STUM: variants seen among roughly 807,000 people sequenced by gnomAD.
STUM encodes the protein protein stum homolog.
STUM carries 8 observed loss-of-function variants against 15.3 expected under a neutral mutation model. The observed-to-expected ratio is 0.52, with a 90% CI of 0.31 to 0.94. The LOEUF is 0.94. STUM is among the 40% of genes least tolerant of loss of function. STUM has a pLI of 0.05. For missense variants in STUM, 142 were observed against 204.9 expected, an observed-to-expected ratio of 0.69 and a Z score of 1.87; for synonymous variants, 78 against 88.7, an observed-to-expected ratio of 0.88 and a Z score of 0.68.
At position 226,565,242 on chromosome 1, in the gene STUM, G is replaced by A. The variant is rs1324063019; in HGVS notation, c.202+16136G>A. Among the ~76,000 whole-genome samples, 1 of 152,168 alleles carries A rather than the reference G, an allele frequency of 6.6e-6. No individual in the cohort carries two copies. The highest frequency in any genetic ancestry group is 2.4e-5 in the African/African-American group (1 of 41,438). On this transcript the variant is annotated intron_variant, in intron 1 of 3. Coordinates refer to ENST00000366788, the MANE Select transcript of STUM (RefSeq NM_001003665.4). The surrounding 1 kb of genome is among the most constrained non-coding windows in gnomAD (Gnocchi z 4.4). Reference sequence around the variant, plus strand: ...CTCTCCCTGCCCCTCAGGCCCAAGGGTGGGAGTGGCCTCCTGCTGTTGCTG... The same window carrying A: ...CTCTCCCTGCCCCTCAGGCCCAAGGATGGGAGTGGCCTCCTGCTGTTGCTG...
intron 1 of STUM, among the ~76,000 whole-genome samples, chr1:226,571,927 C>T (rs935802449): frequency 2.0e-5 from 3 of 152,178 alleles, no homozygotes; most frequent in Non-Finnish European, 4.4e-5. Context: ...AGGCGTGAGC[C>T]ACCACACCCG....
At chr1:226,574,892 C>T (rs550469195) in intron 1 of STUM, among the ~76,000 whole-genome samples, 2 of 152,276 alleles carry the variant, frequency 1.3e-5, no homozygotes, top group South Asian at 4.2e-4. Context: ...GTCTCACAAC[C>T]CCTCAGAGGA....
At chr1:226,558,336 C>T (rs2102687064) in intron 1 of STUM, among the ~76,000 whole-genome samples, 1 of 152,296 alleles carries the variant, frequency 6.6e-6, no homozygotes, top group East Asian at 1.9e-4. Flanking sequence ...CCCCTTTGTT[C>T]CCAGGATCAT....
chr1:226,572,160 T>C (rs17520554), intron 1 of STUM, among the ~76,000 whole-genome samples: 7,302 of 152,230 alleles, frequency 0.048, 193 homozygotes, highest in African/African-American at 0.066. Context: ...GCCACCCTTG[T>C]CATCAAAGAA....
At chr1:226,578,574 G>T (rs1667862016) in intron 1 of STUM, among the ~76,000 whole-genome samples, 1 of 152,026 alleles carries the variant, frequency 6.6e-6, no homozygotes, top group Admixed American at 6.6e-5. Context: ...TGTTGCCCAG[G>T]CTGGTCTTGA....
intron 1 of STUM, among the ~76,000 whole-genome samples, chr1:226,560,696 C>T (rs986316239): frequency 5.3e-5 from 8 of 152,208 alleles, no homozygotes; most frequent in East Asian, 3.9e-4. Context: ...CAGAAGGGAG[C>T]GCCGACAGCA....
At chr1:226,579,679 T>C (rs946151986) in intron 1 of STUM, among the ~76,000 whole-genome samples, 10 of 150,394 alleles carry the variant, frequency 6.6e-5, no homozygotes, top group African/African-American at 2.5e-4. Flanking sequence ...CCCAGGCTGG[T>C]GTGCAGTGGT....
chr1:226,554,818 C>A (rs1473631770), intron 1 of STUM, among the ~76,000 whole-genome samples: 1 of 152,202 alleles, frequency 6.6e-6, no homozygotes, highest in Non-Finnish European at 1.5e-5. Flanking sequence ...TTCTTTGCTC[C>A]CTTTCACCGC....
In STUM at chr1:226,602,150, G is replaced by A; in HGVS notation, c.*110G>A. 1 of 738,038 alleles carries A rather than the reference G, an allele frequency of 1.4e-6. No homozygotes were observed. The highest frequency in any genetic ancestry group is 2.3e-6 in the Non-Finnish European group (1 of 441,712). 45.7% of individuals were successfully genotyped at this position (738,038 alleles called of 1,614,324 possible). On this transcript the variant is annotated 3_prime_UTR_variant, in exon 4 of 4. Transcript: ENST00000366788. ...CTTTTCTGCCATTTTCTGGACTGGGGGTGGAAAGGGGGTATTTTTAAAAAT... is the reference window on the plus strand; with the variant it reads ...CTTTTCTGCCATTTTCTGGACTGGGAGTGGAAAGGGGGTATTTTTAAAAAT...
chr1:226,598,768 T>TG (rs1668221366), intron 2 of STUM, among the ~76,000 whole-genome samples: 1 of 152,216 alleles, frequency 6.6e-6, no homozygotes, highest in Non-Finnish European at 1.5e-5. Flanking sequence ...CAGCCTTCAC[T>TG]GGGGGTCAGC....
rs1667385652 is a variant in STUM, at chr1:226,552,309, A to C, written c.202+3203A>C. On this transcript the variant is annotated intron_variant, in intron 1 of 3. Transcript: ENST00000366788. The surrounding 1 kb of genome is among the most constrained non-coding windows in gnomAD (Gnocchi z 4.7). ...CTCCTCACTGAAACAATGAAAAACA[A>C]TTTTTACAAGTGGACATTAGTAAAG... Among the ~76,000 whole-genome samples, 1 of 152,134 alleles carries C rather than the reference A, an allele frequency of 6.6e-6. No homozygotes were observed. Among genetic ancestry groups the C allele is most frequent in the South Asian group, 2.1e-4 (1 of 4,820 alleles).
At chr1:226,576,692 C>A (rs1667820588) in intron 1 of STUM, among the ~76,000 whole-genome samples, 1 of 152,166 alleles carries the variant, frequency 6.6e-6, no homozygotes, top group Non-Finnish European at 1.5e-5. Flanking sequence ...TTTTCATCTT[C>A]CCAAACGGAA....
At chr1:226,601,378 G>T (rs1019847699) in intron 3 of STUM, among the ~76,000 whole-genome samples, 2 of 152,134 alleles carry the variant, frequency 1.3e-5, no homozygotes, top group African/African-American at 4.8e-5. Context: ...GCCCGCCTCG[G>T]CCTCCCAAAG....
intron 1 of STUM, among the ~76,000 whole-genome samples, chr1:226,574,914 C>T (rs1667782380): frequency 6.6e-6 from 1 of 152,202 alleles, no homozygotes; most frequent in South Asian, 2.1e-4. Context: ...AGGCCCACCC[C>T]AACTCATGGG....
chr1:226,561,400 C>T (rs1240060601), intron 1 of STUM, among the ~76,000 whole-genome samples: 1 of 152,090 alleles, frequency 6.6e-6, no homozygotes, highest in African/African-American at 2.4e-5. Flanking sequence ...CACTTCTTGG[C>T]CTTCCTAGCT....
chr1:226,563,857 G>T (rs757962565), intron 1 of STUM, among the ~76,000 whole-genome samples: 15 of 152,220 alleles, frequency 9.9e-5, no homozygotes, highest in East Asian at 1.9e-4. Context: ...TCCAGGAATT[G>T]CCCTGTGGCC....
At position 226,561,319 on chromosome 1, in the gene STUM, GTGGAA is replaced by G. The variant is rs1667538999; in HGVS notation, c.202+12215_202+12219del. Among the ~76,000 whole-genome samples the G allele has an allele frequency of 2.6e-5, 4 of 152,310 alleles. No homozygotes were observed. In the South Asian group the frequency reaches 8.3e-4, roughly 32 times the overall value. On this transcript the variant is annotated intron_variant, in intron 1 of 3. Coordinates refer to ENST00000366788, the MANE Select transcript of STUM (RefSeq NM_001003665.4). Reference sequence around the variant, plus strand: ...TGCATATTAACTACTGGTAGGAAAGGTGGAATCAAGAGCAGGTCCTTGTTCTTTTA... The same window carrying G: ...TGCATATTAACTACTGGTAGGAAAGGTCAAGAGCAGGTCCTTGTTCTTTTA...
chr1:226,561,576 A>T (rs1223479208), intron 1 of STUM, among the ~76,000 whole-genome samples: 2 of 152,172 alleles, frequency 1.3e-5, no homozygotes, highest in Non-Finnish European at 2.9e-5. Flanking sequence ...TGGAGCAGTT[A>T]TGATGTTACT....
chr1:226,553,377 A>C (rs1181558055), intron 1 of STUM, among the ~76,000 whole-genome samples: 2 of 152,256 alleles, frequency 1.3e-5, no homozygotes, highest in Non-Finnish European at 2.9e-5. Flanking sequence ...GAAAGCAATT[A>C]GTAATTGCAG....
Sources: gnomAD v4.1 joint callset for allele counts (sites outside exome capture counted in the v4.1 genomes callset) on GRCh38, gnomAD v4.1.1 for gene constraint, Gnocchi (gnomAD v3.1) non-coding constraint, MANE v1.5 for transcripts, NCBI Gene and HGNC (gene_info 2026-07-23, HGNC 2026-07-21) for gene names.